The following DGKE variants were observed in gnomAD, a reference collection of about 807,000 sequenced individuals.
DGKE encodes diacylglycerol kinase epsilon.
A neutral mutation model predicts 70.0 loss-of-function variants in DGKE; 53 were observed. That is an observed-to-expected ratio of 0.76 (90% CI 0.61 to 0.95). DGKE has a LOEUF of 0.95. Among genes scored for constraint, DGKE ranks in the 40% least tolerant of loss-of-function variants. The probability of loss-of-function intolerance (pLI) is 0.00; values close to 1 mark genes in which losing one functional copy is unlikely to be tolerated. For synonymous variants in DGKE, 291 were observed against 257.0 expected (o/e 1.13, Z -1.27); for missense variants, 655 against 706.9 (o/e 0.93, Z 0.83).
At chr17:56,848,189 G>T in intron 5 of DGKE, 124 bp downstream of exon 5, 1 of 581,026 alleles carries the variant, frequency 1.7e-6, no homozygotes, top group East Asian at 6.1e-5. Flanking sequence ...ATACAGTCTC[G>T]CACTGTCACC....
chr17:56,834,630 G>T (rs1906443595), intron 1 of DGKE, 148 bp from the exon 2 acceptor site: 6 of 771,626 alleles, frequency 7.8e-6, no homozygotes, highest in Non-Finnish European at 1.3e-5. Flanking sequence ...GGCAGGTCCC[G>T]GGAGACGGGG....
intron 2 of DGKE, among the ~76,000 whole-genome samples, chr17:56,842,311 T>C (rs1907039087): frequency 6.6e-6 from 1 of 152,172 alleles, no homozygotes; most frequent in Non-Finnish European, 1.5e-5. Flanking sequence ...TTCTGGTTTT[T>C]AGGATCTCAA....
At chr17:56,848,180 T>C (rs891754499) in intron 5 of DGKE, 115 bp downstream of exon 5, 1 of 678,232 alleles carries the variant, frequency 1.5e-6, no homozygotes, top group Admixed American at 4.9e-5. Context: ...TTTCTTGAGA[T>C]ACAGTCTCGC....
rs36011746 is a variant in DGKE at position 56,867,911 on chromosome 17, CAA to C, written c.*5134_*5135del. 3.0e-4 allele frequency: 32 copies of C among 107,770 alleles called. No individual in the cohort carries two copies. Among genetic ancestry groups the C allele is most frequent in the East Asian group, 2.9e-4 (1 of 3,506 alleles). The allele number at this position is 107,770 out of a possible 1,614,324, so 6.7% of individuals were successfully genotyped here. The stretch of plus-strand genomic sequence containing the variant: ...TGGGCCAAAGAGTGAGACTCCATCT[CAA>C]AAAAAAAAAAAAAGAAAGAAATGTG... On this transcript the variant is annotated 3_prime_UTR_variant, in exon 12 of 12. Coordinates refer to ENST00000284061, the MANE Select transcript of DGKE (RefSeq NM_003647.3).
In DGKE at chr17:56,868,806, TAGAC is replaced by T. The variant is rs1908634902; in HGVS notation, c.*6019_*6022del. The T allele has an allele frequency of 6.6e-6, 1 of 152,236 alleles. No individual in the cohort carries two copies. The highest frequency in any genetic ancestry group is 1.5e-5 in the Non-Finnish European group (1 of 68,044). The allele number at this position is 152,236 out of a possible 1,614,324, so 9.4% of individuals were successfully genotyped here. A position where few individuals can be genotyped will look rare whatever the true frequency, so the allele number is the denominator to read the frequency against. ...GTGGCAAGTTCTGATCACATACTTT[TAGAC>T]AGAAAGAATAAAAAATTCATATTGC... On this transcript the variant is annotated 3_prime_UTR_variant, in exon 12 of 12. Coordinates refer to ENST00000284061, the MANE Select transcript of DGKE (RefSeq NM_003647.3).
intron 7 of DGKE, among the ~76,000 whole-genome samples, chr17:56,850,454 G>A (rs1907580964): frequency 6.6e-6 from 1 of 152,158 alleles, no homozygotes; most frequent in South Asian, 2.1e-4. Flanking sequence ...CTTGCAAATA[G>A]ATATATTTAG....
At chr17:56,838,692 T>C (rs1487272302) in intron 2 of DGKE, 1 of 148,900 alleles carries the variant, frequency 6.7e-6, no homozygotes, top group East Asian at 2.0e-4. Flanking sequence ...TTTTTTTTTC[T>C]ATAAATACTA....
chr17:56,846,345 A>C (rs1907285884), intron 4 of DGKE: 1 of 152,292 alleles, frequency 6.6e-6, no homozygotes, highest in Admixed American at 6.5e-5. Flanking sequence ...GACTCCACTT[A>C]TGTGACTTGT....
In DGKE at chr17:56,862,385, G is replaced by C. The variant is rs776657008; in HGVS notation, c.1524+134G>C. 3 of 906,692 alleles carry C rather than the reference G, an allele frequency of 3.3e-6. No homozygotes were observed. The South Asian group carries it at 5.3e-5, about 16-fold the overall frequency. The allele number at this position is 906,692 out of a possible 1,614,324, so 56.2% of individuals were successfully genotyped here. ...ATGCAGCTGGTCACTGTACACTAGC[G>C]GCTAGAGTGGGATGAGGAAGAAACA... On this transcript the variant is annotated intron_variant, in intron 11 of 11. Coordinates refer to ENST00000284061, the MANE Select transcript of DGKE (RefSeq NM_003647.3).
At chr17:56,835,397 C>T (rs1342824416) in intron 2 of DGKE, 138 bp downstream of exon 2, 2 of 930,460 alleles carry the variant, frequency 2.1e-6, no homozygotes, top group African/African-American at 1.7e-5. Context: ...AATAAACATC[C>T]CTGAGTTTGT....
At chr17:56,848,212 C>A in intron 5 of DGKE, 147 bp downstream of exon 5, 1 of 432,760 alleles carries the variant, frequency 2.3e-6, no homozygotes, top group Non-Finnish European at 3.4e-6. Flanking sequence ...GGCTGGAGTG[C>A]AGCGGCGCAG....
rs565749383 is a variant in DGKE at position 56,846,950 on chromosome 17, C to T, written c.745-972C>T. On this transcript the variant is annotated intron_variant, in intron 4 of 11. Coordinates refer to ENST00000284061, the MANE Select transcript of DGKE (RefSeq NM_003647.3). Reference sequence around the variant, plus strand: ...ATATTTTTCCTTGTTTCAACATAGTCCTCATAGTTACATATTTAATGACTA... The same window carrying T: ...ATATTTTTCCTTGTTTCAACATAGTTCTCATAGTTACATATTTAATGACTA... Among the ~76,000 whole-genome samples the T allele has an allele frequency of 2.2e-3, 339 of 151,960 alleles. 2 individuals carry two copies. Among genetic ancestry groups the T allele is most frequent in the Non-Finnish European group, 3.3e-3 (227 of 67,950 alleles).
intron 7 of DGKE, among the ~76,000 whole-genome samples, chr17:56,853,230 C>T (rs73327114): frequency 0.016 from 2,497 of 152,234 alleles, 63 homozygotes; most frequent in African/African-American, 0.057. Flanking sequence ...GATTTTCTCC[C>T]AAGCTGTGGG....
At chr17:56,847,647 C>A (rs1371731879) in intron 4 of DGKE, 1 of 173,084 alleles carries the variant, frequency 5.8e-6, no homozygotes, top group Non-Finnish European at 1.2e-5. Flanking sequence ...TATTTCAGCA[C>A]TTAATTACCT....
intron 5 of DGKE, 107 bp downstream of exon 5, chr17:56,848,172 TC>T (rs1298975694): frequency 2.2e-5 from 17 of 759,772 alleles, no homozygotes; most frequent in Non-Finnish European, 2.9e-5. Context: ...TGTTGTTTTT[TC>T]TTGAGATACA....
chr17:56,852,119 A>T (rs1423480234), intron 7 of DGKE, among the ~76,000 whole-genome samples: 3 of 152,180 alleles, frequency 2.0e-5, no homozygotes, highest in Non-Finnish European at 4.4e-5. Context: ...TAAAATTTAA[A>T]AATCACAAAT....
At position 56,861,933 on chromosome 17, in the gene DGKE, G is replaced by T. The variant is rs758645209; in HGVS notation, c.1412+15G>T. On this transcript the variant is annotated intron_variant, in intron 10 of 11. Transcript: ENST00000284061. ...CCTCTAGCCAGGTATGTACATTTGT[G>T]GTCTGTTTTTTTATGTCACTATTTT... 1.9e-6 allele frequency: 3 copies of T among 1,577,086 alleles called. No homozygotes were observed. The highest frequency in any genetic ancestry group is 2.6e-6 in the Non-Finnish European group (3 of 1,167,374).
At chr17:56,845,836 T>A (rs776909593) in intron 4 of DGKE, 27 bp downstream of exon 4, 20 of 1,560,064 alleles carry the variant, frequency 1.3e-5, no homozygotes, top group Middle Eastern at 1.8e-4. Context: ...ACTTTTTATA[T>A]TAATGTTTTC....
chr17:56,844,255 G>C, intron 3 of DGKE, 77 bp downstream of exon 3: 1 of 972,658 alleles, frequency 1.0e-6, no homozygotes, highest in Non-Finnish European at 1.4e-6. Context: ...AGTTAAGACA[G>C]TATGTAAGAA....
Sources: gnomAD v4.1 joint callset for allele counts (sites outside exome capture counted in the v4.1 genomes callset) on GRCh38, gnomAD v4.1.1 for gene constraint, MANE v1.5 for transcripts, NCBI Gene and HGNC (gene_info 2026-07-23, HGNC 2026-07-21) for gene names.